The following MARCHF1 variants were observed in gnomAD, a reference collection of about 807,000 sequenced individuals.
MARCHF1 encodes the protein membrane associated ring-CH-type finger 1.
MARCHF1 carries 40 observed loss-of-function variants against 54.2 expected under a neutral mutation model. That is an observed-to-expected ratio of 0.74 (90% confidence interval 0.57 to 0.96). The LOEUF (loss-of-function observed/expected upper bound fraction) is 0.96. Ranked by LOEUF, MARCHF1 falls within the 40% of genes least tolerant of loss-of-function variation. The probability of loss-of-function intolerance (pLI) is 0.00; values close to 1 mark genes in which losing one functional copy is unlikely to be tolerated. For synonymous variants in MARCHF1, 236 were observed against 236.3 expected, an observed-to-expected ratio of 1.00 and a Z score of 0.01; for missense variants, 586 against 656.5, an observed-to-expected ratio of 0.89 and a Z score of 1.17.
intron 2 of MARCHF1, among the ~76,000 whole-genome samples, chr4:164,091,332 A>C (rs1579525021): frequency 6.6e-6 from 1 of 151,068 alleles, no homozygotes; most frequent in East Asian, 1.9e-4. Context: ...AGTTAAGGTC[A>C]TTTAAAAACC....
At chr4:163,994,920 T>G (rs1450859815) in intron 2 of MARCHF1, among the ~76,000 whole-genome samples, 1 of 152,080 alleles carries the variant, frequency 6.6e-6, no homozygotes, top group Non-Finnish European at 1.5e-5. Flanking sequence ...AAAAACACCC[T>G]CAAACTGTGA....
At chr4:163,985,574 G>T (rs1221619213) in intron 3 of MARCHF1, among the ~76,000 whole-genome samples, 1 of 152,058 alleles carries the variant, frequency 6.6e-6, no homozygotes, top group African/African-American at 2.4e-5. Flanking sequence ...TCCTTAACAG[G>T]ATGGATCTTC....
intron 2 of MARCHF1, among the ~76,000 whole-genome samples, chr4:163,994,257 A>AGGT (rs1240127790): frequency 1.9e-4 from 26 of 137,130 alleles, no homozygotes; most frequent in African/African-American, 7.1e-4. Context: ...ATAGAGAAAA[A>AGGT]GTGTGTGTGT....
intron 2 of MARCHF1, among the ~76,000 whole-genome samples, chr4:164,005,794 T>A (rs985079937): frequency 1.3e-5 from 2 of 152,168 alleles, no homozygotes; most frequent in East Asian, 1.9e-4. Context: ...CACCACATTG[T>A]AGGAGTTCCA....
intron 2 of MARCHF1, among the ~76,000 whole-genome samples, chr4:164,068,037 T>C (rs971184961): frequency 3.3e-5 from 5 of 152,084 alleles, no homozygotes; most frequent in Admixed American, 2.6e-4. Flanking sequence ...CTCACACCAG[T>C]CAGAATGGTC....
At chr4:164,194,867 T>C (rs1309520521) in intron 1 of MARCHF1, among the ~76,000 whole-genome samples, 3 of 152,140 alleles carry the variant, frequency 2.0e-5, no homozygotes, top group African/African-American at 7.2e-5. Flanking sequence ...TAGATATATA[T>C]GTGCCATGGA....
chr4:163,951,051 AC>A (rs1241481377), intron 3 of MARCHF1, among the ~76,000 whole-genome samples: 1 of 152,228 alleles, frequency 6.6e-6, no homozygotes, highest in Non-Finnish European at 1.5e-5. Context: ...ATGAGAGCAC[AC>A]AAAAATATCA....
intron 1 of MARCHF1, among the ~76,000 whole-genome samples, chr4:164,320,766 A>G (rs1301027339): frequency 1.3e-5 from 2 of 151,322 alleles, no homozygotes; most frequent in South Asian, 4.2e-4. Context: ...TTAAGTATGG[A>G]TATGTCCTTA....
chr4:163,846,807 G>C (rs1749496772), intron 4 of MARCHF1, among the ~76,000 whole-genome samples: 1 of 151,988 alleles, frequency 6.6e-6, no homozygotes, highest in African/African-American at 2.4e-5. Context: ...GCTTAATAGA[G>C]CTTTATAAGA....
At chr4:163,619,866 A>C (rs1741623957) in intron 5 of MARCHF1, among the ~76,000 whole-genome samples, 1 of 152,172 alleles carries the variant, frequency 6.6e-6, no homozygotes, top group South Asian at 2.1e-4. Context: ...TGATGATGTA[A>C]AACAAAATGT....
At chr4:163,880,087 G>A (rs34818095) in intron 3 of MARCHF1, among the ~76,000 whole-genome samples, 18,304 of 151,342 alleles carry the variant, frequency 0.12, 1,484 homozygotes, top group Non-Finnish European at 0.18. Context: ...TATGATATAA[G>A]CATTTCCTAT....
chr4:163,590,057 G>GGTGTGTGTGTGTGTGT (rs34885496), intron 7 of MARCHF1, among the ~76,000 whole-genome samples: 3,178 of 146,178 alleles, frequency 0.022, 129 homozygotes, highest in African/African-American at 0.072. Context: ...TTTAGATTTT[G>GGTGTGTGTGTGTGTGT]GTGTGTGTGT....
intron 4 of MARCHF1, among the ~76,000 whole-genome samples, chr4:163,843,736 T>G (rs1234357124): frequency 6.6e-6 from 1 of 152,030 alleles, no homozygotes; most frequent in Non-Finnish European, 1.5e-5. Context: ...TTCTTCTCCT[T>G]GTGTCCATGT....
intron 1 of MARCHF1, among the ~76,000 whole-genome samples, chr4:164,225,792 T>A (rs1166347291): frequency 6.6e-6 from 1 of 152,074 alleles, no homozygotes; most frequent in Admixed American, 6.6e-5. Flanking sequence ...TTCTTTTTAA[T>A]TAAACATCAA....
intron 2 of MARCHF1, among the ~76,000 whole-genome samples, chr4:164,102,946 A>C (rs979256126): frequency 7.9e-6 from 1 of 126,596 alleles, no homozygotes; most frequent in Non-Finnish European, 1.7e-5. Context: ...GAAAACAAAA[A>C]AAGGCAGGGG....
At chr4:163,975,140 C>T (rs533658590) in intron 3 of MARCHF1, among the ~76,000 whole-genome samples, 26 of 149,492 alleles carry the variant, frequency 1.7e-4, no homozygotes, top group Non-Finnish European at 3.6e-4. Context: ...TCCATAATTA[C>T]ATAAGCCAAT....
chr4:164,027,068 G>C (rs7687503), intron 2 of MARCHF1, among the ~76,000 whole-genome samples: 69,711 of 151,634 alleles, frequency 0.46, 17,582 homozygotes, highest in Non-Finnish European at 0.56. Flanking sequence ...AAACACTGCT[G>C]AAAGAAACCA....
chr4:164,122,865 C>G (rs1756100222), intron 1 of MARCHF1, among the ~76,000 whole-genome samples: 2 of 152,070 alleles, frequency 1.3e-5, no homozygotes, highest in South Asian at 4.1e-4. Flanking sequence ...CCTCTAACAT[C>G]TGGAACACGA....
chr4:163,640,828 T>C (rs1470073964), intron 5 of MARCHF1, among the ~76,000 whole-genome samples: 1 of 152,118 alleles, frequency 6.6e-6, no homozygotes, highest in East Asian at 1.9e-4. Context: ...TTTAGGGTAA[T>C]AATTTAAAGT....
Sources: allele counts gnomAD v4.1 joint callset (sites outside exome capture counted in the v4.1 genomes callset), GRCh38; gene constraint gnomAD v4.1.1; transcripts MANE v1.5; gene names NCBI Gene and HGNC (gene_info 2026-07-23, HGNC 2026-07-21).